The following BTRC variants were observed in gnomAD, a reference collection of about 807,000 sequenced individuals.
BTRC encodes beta-transducin repeat containing E3 ubiquitin protein ligase.
A neutral mutation model predicts 85.5 loss-of-function variants in BTRC; 42 were observed. The ratio of observed to expected loss-of-function variants is 0.49; its 90% CI spans 0.38 to 0.64. BTRC has a LOEUF of 0.64. BTRC is among the 30% of genes least tolerant of loss of function. The probability of loss-of-function intolerance (pLI) is 0.00; values close to 1 mark genes in which losing one functional copy is unlikely to be tolerated. For missense variants in BTRC, 594 were observed against 743.5 expected (o/e 0.80, Z 2.34); for synonymous variants, 255 against 263.3 (o/e 0.97, Z 0.30).
chr10:101,400,436 G>C (rs1271598038), intron 1 of BTRC, among the ~76,000 whole-genome samples: 1 of 152,212 alleles, frequency 6.6e-6, no homozygotes, highest in Non-Finnish European at 1.5e-5. Context: ...CCTTTCATGA[G>C]TGGAGTTTCC....
rs59998718 is a variant in BTRC at position 101,508,913 on chromosome 10, T to TAAAAAAAAAA, written c.325-12712_325-12703dup. On this transcript the variant is annotated intron_variant, in intron 4 of 14. Coordinates refer to ENST00000370187, the MANE Select transcript of BTRC (RefSeq NM_033637.4). ...TGGGCAACAATGCAAGACTCCATCTTAAAAAAAAAAAAAAAAAAAAAAACT... is the reference window on the plus strand; with the variant it reads ...TGGGCAACAATGCAAGACTCCATCTTAAAAAAAAAAAAAAAAAAAAAAAAAAAAAAAAACT... Among the ~76,000 whole-genome samples the TAAAAAAAAAA allele has an allele frequency of 3.5e-4, 36 of 101,926 alleles. 2 individuals carry two copies. The highest frequency in any genetic ancestry group is 1.7e-3 in the South Asian group (4 of 2,410). 66.9% of individuals were successfully genotyped at this position (101,926 alleles called of 152,430 possible).
At position 101,367,012 on chromosome 10, in the gene BTRC, A is replaced by T. The variant is rs1213349199; in HGVS notation, c.48+12784A>T. On this transcript the variant is annotated intron_variant, in intron 1 of 14. Coordinates refer to ENST00000370187, the MANE Select transcript of BTRC (RefSeq NM_033637.4). The stretch of plus-strand genomic sequence containing the variant: ...TATATATTAATATATATATTTATAT[A>T]TATATTTATATTTATATATTTATAT... Among the ~76,000 whole-genome samples the T allele has an allele frequency of 6.3e-5, 5 of 79,804 alleles. No homozygotes were observed. The East Asian group carries it at 8.2e-4, about 13-fold the overall frequency. The allele number at this position is 79,804 out of a possible 152,430, so 52.4% of individuals were successfully genotyped here. A position where few individuals can be genotyped will look rare whatever the true frequency, so the allele number is the denominator to read the frequency against.
rs2134483966 is a variant in BTRC at position 101,551,031 on chromosome 10, A to G, written c.*31+140A>G. ...GCCGAGGAAGCAGACAATGTGAGACAGGGCTGAAGCTGCCACAGTGTGGAC... is the reference window on the plus strand; with the variant it reads ...GCCGAGGAAGCAGACAATGTGAGACGGGGCTGAAGCTGCCACAGTGTGGAC... On this transcript the variant is annotated intron_variant, in intron 14 of 14. Coordinates refer to ENST00000370187, the MANE Select transcript of BTRC (RefSeq NM_033637.4). The G allele has an allele frequency of 5.4e-6, 4 of 736,504 alleles. No individual in the cohort carries two copies. The East Asian group carries it at 8.3e-5, about 15-fold the overall frequency. 45.6% of individuals were successfully genotyped at this position (736,504 alleles called of 1,614,324 possible). A position where few individuals can be genotyped will look rare whatever the true frequency, so the allele number is the denominator to read the frequency against.
intron 1 of BTRC, among the ~76,000 whole-genome samples, chr10:101,377,930 C>A (rs1194360009): frequency 6.6e-6 from 1 of 150,886 alleles, no homozygotes; most frequent in Non-Finnish European, 1.5e-5. Context: ...CTTTAATAAA[C>A]TGAGGAGATA....
Position 101,366,038 on chromosome 10 carries a change from A to C in BTRC, c.48+11810A>C, listed in dbSNP as rs183757247. On this transcript the variant is annotated intron_variant, in intron 1 of 14. Transcript: ENST00000370187. ...CTCTCTCTATTTTTCCTTTCAGTTC[A>C]TGTTAATTTCTAAATTGCCATGTAT... 2.1e-3 allele frequency among the ~76,000 whole-genome samples: 321 copies of C among 152,120 alleles called. 3 individuals carry two copies. Among genetic ancestry groups the C allele is most frequent in the African/African-American group, 7.2e-3 (299 of 41,472 alleles).
At chr10:101,474,577 G>A (rs892718196) in intron 3 of BTRC, among the ~76,000 whole-genome samples, 1 of 152,186 alleles carries the variant, frequency 6.6e-6, no homozygotes. Flanking sequence ...GAATTTATAT[G>A]TAATTTTTTA....
intron 2 of BTRC, among the ~76,000 whole-genome samples, chr10:101,431,237 T>A (rs1944396726): frequency 6.6e-6 from 1 of 151,904 alleles, no homozygotes; most frequent in South Asian, 2.1e-4. Flanking sequence ...CCACCACGCC[T>A]GGCTAATTTT....
At chr10:101,498,340 G>C (rs922313462) in intron 4 of BTRC, among the ~76,000 whole-genome samples, 1 of 151,942 alleles carries the variant, frequency 6.6e-6, no homozygotes, top group African/African-American at 2.4e-5. Context: ...TTTTAGTAGA[G>C]ATGGGGGTTT....
At chr10:101,367,057 T>A (rs1438932597) in intron 1 of BTRC, among the ~76,000 whole-genome samples, 2 of 94,552 alleles carry the variant, frequency 2.1e-5, no homozygotes, top group Admixed American at 1.9e-4. Context: ...TATATATATA[T>A]AAATATAAAT....
At chr10:101,520,066 T>C (rs948622385) in intron 4 of BTRC, among the ~76,000 whole-genome samples, 1 of 152,216 alleles carries the variant, frequency 6.6e-6, no homozygotes, top group Non-Finnish European at 1.5e-5. Context: ...CATACTTTTT[T>C]CCTGTCCCCT....
Position 101,525,994 on chromosome 10 carries a change from C to G in BTRC, c.557-19C>G. 1 of 1,609,160 alleles carries G rather than the reference C, an allele frequency of 6.2e-7. No homozygotes were observed. Among genetic ancestry groups the G allele is most frequent in the Non-Finnish European group, 8.5e-7 (1 of 1,176,572 alleles). On this transcript the variant is annotated intron_variant, in intron 5 of 14. Coordinates refer to ENST00000370187, the MANE Select transcript of BTRC (RefSeq NM_033637.4). ...CACCTTCTGTGTTCTTTTTCTTTGC[C>G]TCCTCCCCCTACTGAAAGCTCGGGG... is the stretch of plus-strand genomic sequence containing the variant.
Position 101,477,796 on chromosome 10 carries a change from C to T in BTRC, c.235-1572C>T, listed in dbSNP as rs186704330. ...TCCTGAGTAGCTGGAACTACAGGCACCCACCACCATGCCTGGCTAATATTT... is the reference window on the plus strand; with the variant it reads ...TCCTGAGTAGCTGGAACTACAGGCATCCACCACCATGCCTGGCTAATATTT... On this transcript the variant is annotated intron_variant, in intron 3 of 14. Coordinates refer to ENST00000370187, the MANE Select transcript of BTRC (RefSeq NM_033637.4). Among the ~76,000 whole-genome samples the T allele has an allele frequency of 2.0e-5, 3 of 152,042 alleles. No individual in the cohort carries two copies. The East Asian group carries it at 5.9e-4, about 30-fold the overall frequency.
intron 1 of BTRC, among the ~76,000 whole-genome samples, chr10:101,362,065 A>C (rs914318880): frequency 2.6e-5 from 4 of 152,074 alleles, no homozygotes; most frequent in African/African-American, 9.6e-5. Context: ...GGTTCAAATG[A>C]TTTTCCTGCC....
At chr10:101,445,004 C>A (rs1269792437) in intron 2 of BTRC, among the ~76,000 whole-genome samples, 2 of 152,130 alleles carry the variant, frequency 1.3e-5, no homozygotes, top group African/African-American at 4.8e-5. Context: ...ATGAATGGGG[C>A]AGGAGGGTAA....
intron 6 of BTRC, among the ~76,000 whole-genome samples, chr10:101,527,728 T>G (rs2062213646): frequency 6.6e-6 from 1 of 151,744 alleles, no homozygotes; most frequent in Non-Finnish European, 1.5e-5. Context: ...CACTCCAGCC[T>G]GGGCAACAGA....
At chr10:101,364,324 C>G (rs537851574) in intron 1 of BTRC, among the ~76,000 whole-genome samples, 1 of 152,240 alleles carries the variant, frequency 6.6e-6, no homozygotes, top group East Asian at 1.9e-4. Context: ...AGAATCTTGA[C>G]TATTCCACAG....
intron 1 of BTRC, among the ~76,000 whole-genome samples, chr10:101,426,301 C>G (rs1317313650): frequency 6.6e-6 from 1 of 152,112 alleles, no homozygotes; most frequent in Non-Finnish European, 1.5e-5. Flanking sequence ...TTAAATTGAG[C>G]CATAATATAT....
chr10:101,547,753 C>T (rs11191041), intron 13 of BTRC, among the ~76,000 whole-genome samples: 95,358 of 151,598 alleles, frequency 0.63, 31,135 homozygotes, highest in East Asian at 0.85. Context: ...TAAAAAATCT[C>T]GACAAAATAT....
intron 12 of BTRC, among the ~76,000 whole-genome samples, chr10:101,537,932 C>G (rs1589614935): frequency 6.6e-6 from 1 of 152,288 alleles, no homozygotes; most frequent in East Asian, 1.9e-4. Flanking sequence ...AAGATGAGGG[C>G]TTGCTTATAT....
Sources: allele counts gnomAD v4.1 joint callset (sites outside exome capture counted in the v4.1 genomes callset), GRCh38; gene constraint gnomAD v4.1.1; transcripts MANE v1.5; gene names NCBI Gene and HGNC (gene_info 2026-07-23, HGNC 2026-07-21).